Variants in PPFIA2 observed in about 807,000 individuals in gnomAD.
PPFIA2 encodes liprin-alpha-2.
Under a neutral mutation model 175.5 loss-of-function variants are expected in PPFIA2, and 46 were observed. The ratio of observed to expected loss-of-function variants is 0.26; its 90% CI spans 0.21 to 0.34. The LOEUF is 0.34. PPFIA2 is among the 10% of genes least tolerant of loss of function. PPFIA2 has a pLI of 1.00. For missense variants in PPFIA2, 1,179 were observed against 1,506.1 expected (o/e 0.78, Z 3.60); for synonymous variants, 568 against 511.4 (o/e 1.11, Z -1.49).
intron 4 of PPFIA2, among the ~76,000 whole-genome samples, chr12:81,464,057 T>A (rs552116003): frequency 7.2e-5 from 11 of 152,194 alleles, no homozygotes; most frequent in African/African-American, 2.4e-4. Flanking sequence ...CCCGCTCCCA[T>A]CATTTTTTTC....
Position 81,368,812 on chromosome 12 carries a change from T to C in PPFIA2, c.1395A>G (p.Leu465=), listed in dbSNP as rs759979310. The C allele has an allele frequency of 6.2e-7, 1 of 1,611,078 alleles. No individual in the cohort carries two copies. The highest frequency in any genetic ancestry group is 8.5e-7 in the Non-Finnish European group (1 of 1,177,960). The change falls in exon 13 of 33, where the codon TTA becomes TTG. Residue 465 remains leucine, a synonymous_variant. Coordinates refer to ENST00000549396, the MANE Select transcript of PPFIA2 (RefSeq NM_003625.5). ...TCAGAAGTCTATCAACCGTATCCGA[T>C]AATCTCTTGTTATGCTCCTCATTCA... ...EKMNEEHNKR[L]SDTVDRLLTE... is the part of the protein sequence containing the mutation.
rs1491517743 is a variant in PPFIA2 at position 81,493,787 on chromosome 12, T to TATATAC, written c.304-35922_304-35921insGTATAT. On this transcript the variant is annotated intron_variant, in intron 4 of 32. Coordinates refer to ENST00000549396, the MANE Select transcript of PPFIA2 (RefSeq NM_003625.5). The stretch of plus-strand genomic sequence containing the variant: ...ATATATATATATATATATATATATA[T>TATATAC]ACACATTGGAAAAAATAACAGCATT... Among the ~76,000 whole-genome samples, 1,003 of 128,170 alleles carry TATATAC rather than the reference T, an allele frequency of 7.8e-3. 7 individuals carry two copies. The highest frequency in any genetic ancestry group is 0.024 in the South Asian group (94 of 3,890). The allele number at this position is 128,170 out of a possible 152,430, so 84.1% of individuals were successfully genotyped here.
intron 8 of PPFIA2, among the ~76,000 whole-genome samples, chr12:81,384,706 T>A (rs1427026769): frequency 6.6e-6 from 1 of 152,160 alleles, no homozygotes; most frequent in Non-Finnish European, 1.5e-5. Flanking sequence ...TTATTTTCAA[T>A]GATGCCCAGA....
At chr12:81,297,714 T>G (rs1594206017) in intron 23 of PPFIA2, among the ~76,000 whole-genome samples, 1 of 152,240 alleles carries the variant, frequency 6.6e-6, no homozygotes, top group East Asian at 1.9e-4. Flanking sequence ...CTAGTTAACA[T>G]CACCCAAATG....
chr12:81,529,412 T>A (rs1305927860), intron 4 of PPFIA2, among the ~76,000 whole-genome samples: 4 of 151,936 alleles, frequency 2.6e-5, no homozygotes, highest in Non-Finnish European at 5.9e-5. Flanking sequence ...CTATTTTCAA[T>A]CTTCTATGAG....
intron 4 of PPFIA2, among the ~76,000 whole-genome samples, chr12:81,612,634 A>G (rs1291314410): frequency 6.6e-6 from 1 of 152,222 alleles, no homozygotes; most frequent in Non-Finnish European, 1.5e-5. Context: ...CAGGATATAC[A>G]GGCAAGTGAA....
intron 4 of PPFIA2, among the ~76,000 whole-genome samples, chr12:81,462,558 G>GTA (rs1244631159): frequency 4.1e-4 from 43 of 105,668 alleles, no homozygotes; most frequent in Non-Finnish European, 7.2e-4. Context: ...ATGTGTGTGT[G>GTA]TATATATATG....
intron 8 of PPFIA2, among the ~76,000 whole-genome samples, chr12:81,400,343 C>T (rs2041907704): frequency 6.6e-6 from 1 of 152,100 alleles, no homozygotes; most frequent in Non-Finnish European, 1.5e-5. Context: ...CATTGTATTG[C>T]TAAAAGTCCA....
chr12:81,493,756 A>G (rs200232594), intron 4 of PPFIA2, among the ~76,000 whole-genome samples: 2 of 76,814 alleles, frequency 2.6e-5, no homozygotes, highest in African/African-American at 9.6e-5. Context: ...GTGTGTGTCT[A>G]TATATATATA....
chr12:81,293,792 A>T (rs1200039558), intron 24 of PPFIA2, among the ~76,000 whole-genome samples: 1 of 152,184 alleles, frequency 6.6e-6, no homozygotes, highest in African/African-American at 2.4e-5. Context: ...GCTACTTAGT[A>T]CCTACCCAAA....
At chr12:81,519,104 T>C (rs566180550) in intron 4 of PPFIA2, among the ~76,000 whole-genome samples, 2 of 152,134 alleles carry the variant, frequency 1.3e-5, no homozygotes, top group African/African-American at 4.8e-5. Context: ...TTTTAAAAAC[T>C]TTTCCTCCTA....
chr12:81,301,068 A>G (rs934249679), intron 22 of PPFIA2, among the ~76,000 whole-genome samples: 9 of 152,114 alleles, frequency 5.9e-5, no homozygotes, highest in Admixed American at 5.2e-4. Context: ...TCATTTTAGA[A>G]AAGGGGTTAA....
At chr12:81,610,220 A>C (rs1281938211) in intron 4 of PPFIA2, among the ~76,000 whole-genome samples, 3 of 152,168 alleles carry the variant, frequency 2.0e-5, no homozygotes, top group Non-Finnish European at 2.9e-5. Flanking sequence ...AAAAATCTAC[A>C]TGCCTTGGGG....
intron 10 of PPFIA2, among the ~76,000 whole-genome samples, chr12:81,375,435 T>C (rs2036138786): frequency 1.3e-5 from 2 of 152,100 alleles, no homozygotes; most frequent in South Asian, 2.1e-4. Context: ...ATGTATGATC[T>C]TGGGAAAGTC....
At chr12:81,307,262 G>A (rs1272600744) in intron 22 of PPFIA2, among the ~76,000 whole-genome samples, 1 of 152,066 alleles carries the variant, frequency 6.6e-6, no homozygotes, top group Non-Finnish European at 1.5e-5. Flanking sequence ...TCCAACCCAA[G>A]ACAGTAAAAT....
intron 7 of PPFIA2, among the ~76,000 whole-genome samples, chr12:81,409,115 AGT>A (rs1230448226): frequency 1.3e-5 from 2 of 152,216 alleles, no homozygotes; most frequent in Admixed American, 1.3e-4. Context: ...TGGTTTGAGA[AGT>A]GAACACAAGA....
intron 4 of PPFIA2, among the ~76,000 whole-genome samples, chr12:81,658,280 A>G (rs140920896): frequency 3.9e-4 from 45 of 115,190 alleles, no homozygotes; most frequent in East Asian, 1.2e-3. Flanking sequence ...AAAAAAAAAA[A>G]AAAAGAAAAG....
At chr12:81,433,917 T>G (rs1323183690) in intron 7 of PPFIA2, among the ~76,000 whole-genome samples, 1 of 152,182 alleles carries the variant, frequency 6.6e-6, no homozygotes, top group Non-Finnish European at 1.5e-5. Context: ...CATTAATTAA[T>G]TAGCCTGTTG....
At chr12:81,589,394 C>A (rs2058412545) in intron 4 of PPFIA2, among the ~76,000 whole-genome samples, 1 of 151,936 alleles carries the variant, frequency 6.6e-6, no homozygotes, top group South Asian at 2.1e-4. Context: ...TCTTTCAGTG[C>A]AATTTCAGGA....
Sources: gnomAD v4.1 joint callset for allele counts (sites outside exome capture counted in the v4.1 genomes callset) on GRCh38, gnomAD v4.1.1 for gene constraint, MANE v1.5 for transcripts, NCBI Gene and HGNC (gene_info 2026-07-23, HGNC 2026-07-21) for gene names.